The following DPY19L3 variants were observed in gnomAD, a reference collection of about 807,000 sequenced individuals.
DPY19L3 encodes the protein protein C-mannosyl-transferase DPY19L3.
Under a neutral mutation model 92.3 loss-of-function variants are expected in DPY19L3, and 51 were observed. That is an observed-to-expected ratio of 0.55 (90% CI 0.44 to 0.70). The LOEUF is 0.70. Ranked by LOEUF, DPY19L3 falls within the 30% of genes least tolerant of loss-of-function variation. DPY19L3 has a pLI of 0.00. For missense variants in DPY19L3, 706 were observed against 855.9 expected (o/e 0.82, Z 2.18); for synonymous variants, 309 against 315.2 (o/e 0.98, Z 0.21).
At chr19:32,453,862 AT>A (rs1969784002) in intron 9 of DPY19L3, among the ~76,000 whole-genome samples, 1 of 152,118 alleles carries the variant, frequency 6.6e-6, no homozygotes, top group African/African-American at 2.4e-5. Flanking sequence ...TTTTAGCTTT[AT>A]TTATATAATT....
In DPY19L3 at chr19:32,483,045, A is replaced by G. The variant is rs1970718076; in HGVS notation, c.*805A>G. ...ATACTCTTTAACCTCTCCTGCAGTAATAGTTTTGCTTTATTTCTTACTCAT... is the reference window on the plus strand; with the variant it reads ...ATACTCTTTAACCTCTCCTGCAGTAGTAGTTTTGCTTTATTTCTTACTCAT... On this transcript the variant is annotated 3_prime_UTR_variant, in exon 19 of 19. Coordinates refer to ENST00000392250, the MANE Select transcript of DPY19L3 (RefSeq NM_001172774.2). The G allele has an allele frequency of 6.6e-6, 1 of 152,212 alleles. No individual in the cohort carries two copies. The highest frequency in any genetic ancestry group is 1.5e-5 in the Non-Finnish European group (1 of 68,038). 9.4% of individuals were successfully genotyped at this position (152,212 alleles called of 1,614,324 possible). A position where few individuals can be genotyped will look rare whatever the true frequency, so the allele number is the denominator to read the frequency against.
intron 4 of DPY19L3, among the ~76,000 whole-genome samples, chr19:32,433,997 G>C (rs919326508): frequency 2.6e-5 from 4 of 152,134 alleles, no homozygotes; most frequent in African/African-American, 9.7e-5. Context: ...ATGTTATATA[G>C]AAAACCTTCT....
chr19:32,437,756 C>G (rs1969191151), intron 6 of DPY19L3, among the ~76,000 whole-genome samples: 1 of 147,476 alleles, frequency 6.8e-6, no homozygotes, highest in African/African-American at 2.5e-5. Context: ...ATTAACGTAT[C>G]AGTCATTAAA....
At chr19:32,480,985 T>C (rs1330477282) in intron 18 of DPY19L3, 2 of 398,908 alleles carry the variant, frequency 5.0e-6, no homozygotes, top group East Asian at 7.3e-5. Flanking sequence ...GGATTCCCCC[T>C]ACCCCTCCTG....
At chr19:32,469,924 A>C (rs1403746099) in intron 16 of DPY19L3, among the ~76,000 whole-genome samples, 1 of 152,252 alleles carries the variant, frequency 6.6e-6, no homozygotes, top group Non-Finnish European at 1.5e-5. Flanking sequence ...GAGGCTGTGC[A>C]TCACATGTGG....
intron 10 of DPY19L3, 90 bp from the exon 11 acceptor site, chr19:32,458,010 G>T: frequency 2.1e-6 from 2 of 954,042 alleles, no homozygotes; most frequent in Non-Finnish European, 3.2e-6. Flanking sequence ...CTGTGAAATT[G>T]GACACTGAAT....
At position 32,458,123 on chromosome 19, in the gene DPY19L3, T is replaced by C. The variant is rs372149707; in HGVS notation, c.1113T>C (p.Asp371=). The C allele has an allele frequency of 3.3e-5, 54 of 1,613,660 alleles. No individual in the cohort carries two copies. The highest frequency in any genetic ancestry group is 4.4e-5 in the Non-Finnish European group (52 of 1,179,900). Residue 371 remains aspartate (D), a synonymous_variant, in exon 11 of 19, where the codon GAT becomes GAC. Transcript: ENST00000392250. ...IIKKILNLKS[D]EHIFKFLKAK... ...AGAAAATTCTTAACCTGAAGTCAGA[T>C]GAACACATATTTAAATTTCTGAAGG...
At chr19:32,454,430 C>T (rs899753711) in intron 9 of DPY19L3, among the ~76,000 whole-genome samples, 2 of 151,932 alleles carry the variant, frequency 1.3e-5, no homozygotes, top group African/African-American at 4.8e-5. Flanking sequence ...AAAACTTAGC[C>T]GGGTGTTGTG....
chr19:32,448,457 C>CA (rs1344258355), intron 8 of DPY19L3, among the ~76,000 whole-genome samples: 1 of 152,150 alleles, frequency 6.6e-6, no homozygotes, highest in African/African-American at 2.4e-5. Flanking sequence ...CCCAAAAACT[C>CA]AATCGCTAGT....
At chr19:32,441,706 C>T (rs1969331028) in intron 8 of DPY19L3, among the ~76,000 whole-genome samples, 1 of 152,132 alleles carries the variant, frequency 6.6e-6, no homozygotes, top group Admixed American at 6.5e-5. Flanking sequence ...CCATATTGCC[C>T]AGGCTGGTCT....
intron 3 of DPY19L3, chr19:32,412,241 A>C (rs1031779713): frequency 3.9e-5 from 6 of 152,186 alleles, no homozygotes; most frequent in African/African-American, 1.4e-4. Flanking sequence ...ATTCTAAATT[A>C]GTATTTTTCA....
intron 8 of DPY19L3, among the ~76,000 whole-genome samples, chr19:32,450,379 C>G (rs1330984188): frequency 6.6e-6 from 1 of 152,154 alleles, no homozygotes; most frequent in East Asian, 1.9e-4. Flanking sequence ...AATCCCACTC[C>G]TAGATACATA....
At chr19:32,468,616 A>G (rs1360979307) in intron 15 of DPY19L3, 115 bp from the exon 16 acceptor site, 9 of 1,427,016 alleles carry the variant, frequency 6.3e-6, no homozygotes, top group African/African-American at 4.4e-5. Flanking sequence ...TCCAGTAGCT[A>G]TGTTTATTTA....
chr19:32,439,351 AT>A, intron 7 of DPY19L3, 116 bp downstream of exon 7: 1 of 1,087,724 alleles, frequency 9.2e-7, no homozygotes, highest in Non-Finnish European at 1.3e-6. Context: ...TCCATGACCA[AT>A]TTTTAAACTT....
intron 3 of DPY19L3, among the ~76,000 whole-genome samples, chr19:32,419,023 C>G (rs974331790): frequency 2.6e-5 from 4 of 151,658 alleles, no homozygotes; most frequent in Admixed American, 2.6e-4. Flanking sequence ...AGTTATTTTT[C>G]TATTGTCTTC....
At chr19:32,426,858 T>C (rs1968781187) in intron 3 of DPY19L3, among the ~76,000 whole-genome samples, 1 of 152,266 alleles carries the variant, frequency 6.6e-6, no homozygotes, top group East Asian at 1.9e-4. Flanking sequence ...AGTTGTTTGA[T>C]GCATAGTTGC....
intron 16 of DPY19L3, among the ~76,000 whole-genome samples, chr19:32,476,420 G>C (rs1469722603): frequency 6.6e-6 from 1 of 151,592 alleles, no homozygotes; most frequent in Non-Finnish European, 1.5e-5. Context: ...AGTGTCCTCA[G>C]TGGGCCTCTG....
intron 3 of DPY19L3, among the ~76,000 whole-genome samples, chr19:32,432,041 G>A (rs535703137): frequency 6.6e-6 from 1 of 152,272 alleles, no homozygotes; most frequent in South Asian, 2.1e-4. Flanking sequence ...TAAATAAAGT[G>A]TATCATCTAA....
At chr19:32,450,389 A>G (rs1969661027) in intron 8 of DPY19L3, among the ~76,000 whole-genome samples, 1 of 152,188 alleles carries the variant, frequency 6.6e-6, no homozygotes, top group Admixed American at 6.5e-5. Flanking sequence ...CTAGATACAT[A>G]CCCAAGAGAA....
Sources: allele counts gnomAD v4.1 joint callset (sites outside exome capture counted in the v4.1 genomes callset), GRCh38; gene constraint gnomAD v4.1.1; transcripts MANE v1.5; gene names NCBI Gene and HGNC (gene_info 2026-07-23, HGNC 2026-07-21).